Variants in DENND2B observed in about 807,000 individuals in gnomAD.
DENND2B encodes the protein DENN domain containing 2B, also known as DENN domain-containing protein 2B.
Under a neutral mutation model 116.0 loss-of-function variants are expected in DENND2B, and 32 were observed. That is an observed-to-expected ratio of 0.28 (90% CI 0.21 to 0.37). The LOEUF (loss-of-function observed/expected upper bound fraction) is 0.37. Among genes scored for constraint, DENND2B ranks in the 10% least tolerant of loss-of-function variants. The probability of loss-of-function intolerance (pLI) is 1.00; values close to 1 mark genes in which losing one functional copy is unlikely to be tolerated. For missense variants in DENND2B, 1,276 were observed against 1,477.7 expected, an observed-to-expected ratio of 0.86 and a Z score of 2.24; for synonymous variants, 588 against 583.9, an observed-to-expected ratio of 1.01 and a Z score of -0.10.
chr11:8,830,349 G>A (rs1432978689), intron 4 of DENND2B, among the ~76,000 whole-genome samples: 1 of 152,190 alleles, frequency 6.6e-6, no homozygotes, highest in Non-Finnish European at 1.5e-5. Context: ...AAAGTTTTCT[G>A]TGGTTTTAAG....
intron 2 of DENND2B, among the ~76,000 whole-genome samples, chr11:8,743,261 A>C (rs576117478): frequency 1.1e-3 from 161 of 151,888 alleles, no homozygotes; most frequent in Non-Finnish European, 1.5e-3. Flanking sequence ...TTAAGCCCCC[A>C]AAAACTGGCC....
At chr11:8,782,378 G>C (rs911472483) in intron 1 of DENND2B, among the ~76,000 whole-genome samples, 3 of 152,142 alleles carry the variant, frequency 2.0e-5, no homozygotes, top group African/African-American at 7.2e-5. Flanking sequence ...GTATCAGGAG[G>C]AGGAAAGGAC....
intron 1 of DENND2B, among the ~76,000 whole-genome samples, chr11:8,896,864 A>C (rs779899797): frequency 2.0e-5 from 3 of 152,252 alleles, no homozygotes; most frequent in Non-Finnish European, 2.9e-5. Context: ...TTTTCAACTT[A>C]AAATGAGTTT....
intron 1 of DENND2B, among the ~76,000 whole-genome samples, chr11:8,754,029 G>GCGCGCGCACACACA (rs146486674): frequency 1.7e-3 from 235 of 138,828 alleles, no homozygotes; most frequent in African/African-American, 4.3e-3. Flanking sequence ...CCAAAAGCGC[G>GCGCGCGCACACACA]CACACACACA....
At chr11:8,798,577 T>C (rs781191385) in intron 1 of DENND2B, among the ~76,000 whole-genome samples, 2 of 152,102 alleles carry the variant, frequency 1.3e-5, no homozygotes, top group Non-Finnish European at 2.9e-5. Context: ...CTCAGCTTCT[T>C]CCTGCAAGGC....
chr11:8,697,376 G>A, intron 17 of DENND2B, 149 bp downstream of exon 17: 1 of 615,296 alleles, frequency 1.6e-6, no homozygotes, highest in Non-Finnish European at 2.9e-6. Flanking sequence ...TAAACTACCT[G>A]GGGTAGAAAA....
intron 1 of DENND2B, among the ~76,000 whole-genome samples, chr11:8,797,061 T>C (rs2059877000): frequency 6.6e-6 from 1 of 152,220 alleles, no homozygotes; most frequent in Admixed American, 6.5e-5. Context: ...AGAGCTGCAT[T>C]TGATATACCA....
At chr11:8,696,320 G>C in intron 18 of DENND2B, 107 bp downstream of exon 18, 5 of 1,495,784 alleles carry the variant, frequency 3.3e-6, no homozygotes, top group Middle Eastern at 1.8e-4. Context: ...GGGATGTTAA[G>C]AGGCCTGGCC....
Position 8,860,553 on chromosome 11 carries a change from C to T in DENND2B, c.-249-3117G>A, listed in dbSNP as rs112099895. On this transcript the variant is annotated intron_variant, in intron 2 of 6. Transcript: ENST00000524757. Reference sequence around the variant, plus strand: ...TGAAAGAAACCACAGGTGACACAAACAAATAGAAATACACCCCATGCTCAT... The same window carrying T: ...TGAAAGAAACCACAGGTGACACAAATAAATAGAAATACACCCCATGCTCAT... Among the ~76,000 whole-genome samples, 492 of 152,114 alleles carry T rather than the reference C, an allele frequency of 3.2e-3. 5 individuals are homozygous for T. The highest frequency in any genetic ancestry group is 0.011 in the African/African-American group (464 of 41,536).
chr11:8,891,228 C>T (rs1401985086), intron 1 of DENND2B, among the ~76,000 whole-genome samples: 2 of 152,166 alleles, frequency 1.3e-5, no homozygotes, highest in East Asian at 3.8e-4. Flanking sequence ...CCTACAAGAG[C>T]TCCTGAAGGA....
chr11:8,698,529 T>G (rs2040874403), intron 16 of DENND2B, among the ~76,000 whole-genome samples: 1 of 152,234 alleles, frequency 6.6e-6, no homozygotes. Context: ...CAACAATGAT[T>G]GCAAACCTGT....
At chr11:8,821,116 C>T (rs1202642676) in intron 4 of DENND2B, among the ~76,000 whole-genome samples, 6 of 130,044 alleles carry the variant, frequency 4.6e-5, no homozygotes. Context: ...CGAGACTCTG[C>T]CTCAAAAAAA....
intron 1 of DENND2B, among the ~76,000 whole-genome samples, chr11:8,900,062 G>A (rs2064145495): frequency 1.3e-5 from 2 of 152,094 alleles, no homozygotes; most frequent in Non-Finnish European, 2.9e-5. Context: ...AGGCCGAGAT[G>A]GGTGGACTGT....
chr11:8,754,577 G>T (rs1050578762), intron 1 of DENND2B, among the ~76,000 whole-genome samples: 2 of 152,212 alleles, frequency 1.3e-5, no homozygotes, highest in Non-Finnish European at 2.9e-5. Context: ...CTAGGTATCT[G>T]TTCAGAAGAA....
chr11:8,726,863 T>C (rs972815587), intron 3 of DENND2B, among the ~76,000 whole-genome samples: 2 of 152,220 alleles, frequency 1.3e-5, no homozygotes, highest in African/African-American at 4.8e-5. Context: ...CAGGAAGGGC[T>C]GAGCCCTTAA....
chr11:8,715,841 C>T (rs761598325), intron 5 of DENND2B, 23 bp from the exon 6 acceptor site: 9 of 1,572,620 alleles, frequency 5.7e-6, no homozygotes, highest in Non-Finnish European at 6.1e-6. Flanking sequence ...AGAGGACGTG[C>T]GAGAGGGGCT....
intron 2 of DENND2B, among the ~76,000 whole-genome samples, chr11:8,877,783 C>G (rs983188726): frequency 6.6e-6 from 1 of 152,116 alleles, no homozygotes; most frequent in Admixed American, 6.6e-5. Flanking sequence ...AAAAAAATCA[C>G]GATTGTATCT....
In DENND2B at chr11:8,779,494, TTTTC is replaced by T. The variant is rs577755839; in HGVS notation, c.-25-28773_-25-28770del. On this transcript the variant is annotated intron_variant, in intron 1 of 19. Transcript: ENST00000313726. ...ATGCTCGGGGTTTCCTTTTTCTTTCTTTTCTTTCTTTCTTTCTTTCTTTTTTTTT... is the reference window on the plus strand; with the variant it reads ...ATGCTCGGGGTTTCCTTTTTCTTTCTTTTCTTTCTTTCTTTCTTTTTTTTT... 3.1e-3 allele frequency among the ~76,000 whole-genome samples: 444 copies of T among 142,502 alleles called. 7 individuals carry two copies. The highest frequency in any genetic ancestry group is 0.014 in the Middle Eastern group (4 of 276). 93.5% of individuals were successfully genotyped at this position (142,502 alleles called of 152,430 possible).
intron 1 of DENND2B, among the ~76,000 whole-genome samples, chr11:8,895,176 A>G (rs1230109409): frequency 6.6e-6 from 1 of 151,522 alleles, no homozygotes; most frequent in East Asian, 1.9e-4. Context: ...GCATGTTCTC[A>G]CTCATAGGTG....
Sources: allele counts gnomAD v4.1 joint callset (sites outside exome capture counted in the v4.1 genomes callset), GRCh38; gene constraint gnomAD v4.1.1; transcripts MANE v1.5; gene names NCBI Gene and HGNC (gene_info 2026-07-23, HGNC 2026-07-21).